The following FRMD6 variants were observed in gnomAD, a reference collection of about 807,000 sequenced individuals.
FRMD6 encodes the protein FERM domain containing 6, also known as FERM domain-containing protein 6.
A neutral mutation model predicts 73.2 loss-of-function variants in FRMD6; 37 were observed. That is an observed-to-expected ratio of 0.51 (90% CI 0.39 to 0.66). FRMD6 has a LOEUF of 0.66. Ranked by LOEUF, FRMD6 falls within the 30% of genes least tolerant of loss-of-function variation. The pLI, the probability that FRMD6 is intolerant of heterozygous loss-of-function variation, is 0.00. For synonymous variants in FRMD6, 273 were observed against 282.2 expected (o/e 0.97, Z 0.33); for missense variants, 714 against 780.5 (o/e 0.91, Z 1.02).
At chr14:51,689,598 A>G (rs569884944) in intron 1 of FRMD6, 93 bp from the exon 2 acceptor site, 6 of 488,028 alleles carry the variant, frequency 1.2e-5, no homozygotes, top group African/African-American at 1.1e-4. Context: ...CCCTGTGCCC[A>G]CAATAGTAGT....
the FRMD6 span, among the ~76,000 whole-genome samples, chr14:51,439,510 G>C: frequency 6.6e-6 from 1 of 152,014 alleles, no homozygotes; most frequent in Non-Finnish European, 1.5e-5. Flanking sequence ...GTAAAACTCT[G>C]TCAAGGTTGG....
At chr14:51,441,108 C>A in the FRMD6 span, among the ~76,000 whole-genome samples, 1 of 152,196 alleles carries the variant, frequency 6.6e-6, no homozygotes, top group Admixed American at 6.5e-5. Context: ...AACTGTTTAC[C>A]AGCAGGCATG....
chr14:51,413,141 C>A, the FRMD6 span, among the ~76,000 whole-genome samples: 1 of 151,854 alleles, frequency 6.6e-6, no homozygotes, highest in African/African-American at 2.4e-5. Context: ...CAGGCACACA[C>A]TACCACACTC....
intron 1 of FRMD6, among the ~76,000 whole-genome samples, chr14:51,512,268 C>A (rs2140260024): frequency 6.6e-6 from 1 of 152,228 alleles, no homozygotes; most frequent in Middle Eastern, 3.4e-3. Flanking sequence ...CTTGAAGATC[C>A]TCAGATGAAA....
intron 1 of FRMD6, among the ~76,000 whole-genome samples, chr14:51,514,458 A>C (rs1884504540): frequency 6.6e-6 from 1 of 152,162 alleles, no homozygotes; most frequent in African/African-American, 2.4e-5. Context: ...GCACATGTAT[A>C]CCTGTGTAAC....
At chr14:51,714,269 T>G (rs1384984381) in intron 9 of FRMD6, 3 of 151,940 alleles carry the variant, frequency 2.0e-5, no homozygotes, top group Admixed American at 6.6e-5. Context: ...TATTTCAGTA[T>G]TGGGGTCCAC....
At chr14:51,660,805 A>G (rs1475602201) in intron 1 of FRMD6, among the ~76,000 whole-genome samples, 1 of 152,106 alleles carries the variant, frequency 6.6e-6, no homozygotes, top group East Asian at 1.9e-4. Flanking sequence ...GGTGGAGTAT[A>G]GTCAAGGTAG....
chr14:51,464,669 C>T, the FRMD6 span, among the ~76,000 whole-genome samples: 1 of 152,144 alleles, frequency 6.6e-6, no homozygotes, highest in Non-Finnish European at 1.5e-5. Flanking sequence ...GATGGATACC[C>T]ACTGCAGGAG....
the FRMD6 span, among the ~76,000 whole-genome samples, chr14:51,412,708 C>T: frequency 0.013 from 1,983 of 151,878 alleles, 26 homozygotes; most frequent in African/African-American, 0.033. Flanking sequence ...AAAAATTAGC[C>T]GGGTGTGGTG....
chr14:51,473,304 G>A, the FRMD6 span, among the ~76,000 whole-genome samples: 1 of 152,220 alleles, frequency 6.6e-6, no homozygotes, highest in Non-Finnish European at 1.5e-5. Flanking sequence ...TAAAAGGCCA[G>A]TAAAGGCTGA....
Position 51,574,910 on chromosome 14 carries a change from A to T in FRMD6, c.-147+4500A>T, listed in dbSNP as rs527960560. 2.0e-5 allele frequency among the ~76,000 whole-genome samples: 3 copies of T among 152,346 alleles called. No individual in the cohort carries two copies. In the South Asian group the frequency reaches 6.2e-4, roughly 32 times the overall value. On this transcript the variant is annotated intron_variant, in intron 2 of 14. Coordinates refer to the FRMD6 transcript ENST00000356218. ...CCCTGGTGTGATTACTACACATTGC[A>T]TGCCTGTATCAAAATATCTTATGTG...
chr14:51,481,418 T>C, the FRMD6 span, among the ~76,000 whole-genome samples: 2 of 152,168 alleles, frequency 1.3e-5, no homozygotes, highest in Admixed American at 1.3e-4. Context: ...GTGAGACTTA[T>C]TCACTACCAC....
intron 2 of FRMD6, among the ~76,000 whole-genome samples, chr14:51,577,135 T>C (rs1355774730): frequency 6.6e-6 from 1 of 152,200 alleles, no homozygotes; most frequent in Non-Finnish European, 1.5e-5. Flanking sequence ...TTGTTTCTTC[T>C]GTTGGTATTT....
At chr14:51,686,046 A>G (rs1253594941) in intron 1 of FRMD6, among the ~76,000 whole-genome samples, 1 of 152,176 alleles carries the variant, frequency 6.6e-6, no homozygotes, top group Non-Finnish European at 1.5e-5. Context: ...ACAAATTACC[A>G]GCTTTTTACT....
intron 10 of FRMD6, among the ~76,000 whole-genome samples, chr14:51,715,785 A>G (rs966961229): frequency 5.3e-5 from 8 of 152,158 alleles, no homozygotes; most frequent in Admixed American, 2.0e-4. Context: ...AATACTTGCA[A>G]AAAGCCACCC....
At position 51,490,671 on chromosome 14, in the gene FRMD6, C is replaced by T. The variant is rs900399705; in HGVS notation, c.-210+1251C>T. Among the ~76,000 whole-genome samples the T allele has an allele frequency of 1.4e-4, 20 of 147,164 alleles. No individual in the cohort carries two copies. In the South Asian group the frequency reaches 2.8e-3, roughly 21 times the overall value. On this transcript the variant is annotated intron_variant, in intron 1 of 14. Transcript: ENST00000356218. ...AAATTTCTTCTTTAGTAACCTTTAC[C>T]TACCTCTTATTCGTGTTGCCAACAA... is the stretch of plus-strand genomic sequence containing the variant.
chr14:51,705,238 GT>G (rs757693798), intron 6 of FRMD6, among the ~76,000 whole-genome samples: 36 of 152,040 alleles, frequency 2.4e-4, no homozygotes, highest in Non-Finnish European at 4.0e-4. Flanking sequence ...TACCGAAGCA[GT>G]ATTTTCTCCC....
chr14:51,660,211 T>C (rs1175995002), intron 1 of FRMD6, among the ~76,000 whole-genome samples: 1 of 152,258 alleles, frequency 6.6e-6, no homozygotes, highest in African/African-American at 2.4e-5. Context: ...TGCTGAATAC[T>C]TTGTGCAATT....
the FRMD6 span, among the ~76,000 whole-genome samples, chr14:51,411,052 C>T: frequency 1.2e-4 from 18 of 152,264 alleles, no homozygotes; most frequent in South Asian, 1.9e-3. Flanking sequence ...TTTGTAGAAA[C>T]GGCAGGCATT....
Sources: allele counts gnomAD v4.1 joint callset (sites outside exome capture counted in the v4.1 genomes callset), GRCh38; gene constraint gnomAD v4.1.1; transcripts MANE v1.5; gene names NCBI Gene and HGNC (gene_info 2026-07-23, HGNC 2026-07-21).